Variants in CENPE observed in about 807,000 individuals in gnomAD.
The protein encoded by CENPE is centromere-associated protein E.
A neutral mutation model predicts 336.1 loss-of-function variants in CENPE; 145 were observed. The ratio of observed to expected loss-of-function variants is 0.43; its 90% CI spans 0.38 to 0.50. The LOEUF is 0.50. Ranked by LOEUF, CENPE falls within the 20% of genes least tolerant of loss-of-function variation. The pLI, the probability that CENPE is intolerant of heterozygous loss-of-function variation, is 0.00. For missense variants in CENPE, 2,719 were observed against 3,023.3 expected, an observed-to-expected ratio of 0.90 and a Z score of 2.36; for synonymous variants, 1,013 against 984.8, an observed-to-expected ratio of 1.03 and a Z score of -0.54.
rs779111765 is a variant in CENPE at position 103,114,455 on chromosome 4, C to G, written c.7540G>C (p.Val2514Leu). 1 of 1,569,854 alleles carries G rather than the reference C, an allele frequency of 6.4e-7. No individual in the cohort carries two copies. Residue 2514 changes from valine to leucine, a missense_variant and splice_region_variant, in exon 46 of 49, where the codon GTG becomes CTG. Val to Leu is a conservative substitution (Grantham distance 32). This residue lies in a region of CENPE where 2,437 missense variants were observed against 2,513.3 expected (regional missense o/e 0.97). Coordinates refer to ENST00000265148, the MANE Select transcript of CENPE (RefSeq NM_001813.3). ...GAAAATATCTGCATTTTCTACTTACCTGAGGTATCTTGGGCCTGTTGACTT... is the reference window on the plus strand; with the variant it reads ...GAAAATATCTGCATTTTCTACTTACGTGAGGTATCTTGGGCCTGTTGACTT... ...RRSQQAQDTS[V>L]ISEHTDPQPS...
chr4:103,113,566 AAT>A (rs1188527444), intron 46 of CENPE, among the ~76,000 whole-genome samples: 1 of 142,404 alleles, frequency 7.0e-6, no homozygotes, highest in African/African-American at 2.6e-5. Flanking sequence ...ATATATAAGT[AAT>A]ATATATTTTA....
Position 103,151,135 on chromosome 4 carries a change from G to T in CENPE, c.3396+84C>A, listed in dbSNP as rs1407633252. 7.7e-5 allele frequency: 98 copies of T among 1,274,040 alleles called. No individual in the cohort carries two copies. In the East Asian group the frequency reaches 2.3e-3, roughly 30 times the overall value. The allele number at this position is 1,274,040 out of a possible 1,614,324, so 78.9% of individuals were successfully genotyped here. On this transcript the variant is annotated intron_variant, in intron 26 of 48. Coordinates refer to ENST00000265148, the MANE Select transcript of CENPE (RefSeq NM_001813.3). ...CATTTGGGAGGTATGTGCTATTTCT[G>T]GATTTAGGTCTACAGAAATAAAAAT...
chr4:103,111,722 GA>G lies in CENPE; in HGVS notation c.7541-712del, dbSNP rs527609988. Among the ~76,000 whole-genome samples the G allele has an allele frequency of 1.4e-4, 22 of 152,010 alleles. No individual in the cohort carries two copies. The East Asian group carries it at 3.5e-3, about 24-fold the overall frequency. On this transcript the variant is annotated intron_variant, in intron 46 of 48. Coordinates refer to ENST00000265148, the MANE Select transcript of CENPE (RefSeq NM_001813.3). ...CAAGAATAAATATCCTCAACCTTCT[GA>G]AACAAAGAATCCTCACTTCTATTTT...
At chr4:103,143,193 C>A (rs1752715368) in intron 34 of CENPE, 55 bp downstream of exon 34, 2 of 1,283,154 alleles carry the variant, frequency 1.6e-6, no homozygotes, top group Admixed American at 2.4e-5. Flanking sequence ...TGTTTCATTA[C>A]ACAAAAAGTT....
At chr4:103,144,161 C>T (rs1444452440) in intron 33 of CENPE, among the ~76,000 whole-genome samples, 170 bp downstream of exon 33, 1 of 152,148 alleles carries the variant, frequency 6.6e-6, no homozygotes, top group Admixed American at 6.5e-5. Flanking sequence ...TGGTCTTGAT[C>T]TCCTGACCTC....
At chr4:103,198,237 C>A (rs1251125792) in intron 1 of CENPE, 27 bp downstream of exon 1, 9 of 1,547,990 alleles carry the variant, frequency 5.8e-6, no homozygotes, top group South Asian at 2.4e-5. Flanking sequence ...GCCCAGCGGG[C>A]ACCGGGCCGT....
At position 103,109,105 on chromosome 4, in the gene CENPE, A is replaced by G; in HGVS notation, c.7725-16T>C. The G allele has an allele frequency of 6.3e-7, 1 of 1,588,972 alleles. No individual in the cohort carries two copies. The highest frequency in any genetic ancestry group is 1.4e-5 in the African/African-American group (1 of 73,628). On this transcript the variant is annotated splice_polypyrimidine_tract_variant and intron_variant, in intron 47 of 48. Transcript: ENST00000265148. The stretch of plus-strand genomic sequence containing the variant: ...CTGATTATTGCTTAAATGTGGGGGA[A>G]GAAAAGAGAGACTGTAAGACTTCTT...
intron 43 of CENPE, among the ~76,000 whole-genome samples, chr4:103,121,965 T>A (rs1289105223): frequency 6.6e-6 from 1 of 152,236 alleles, no homozygotes; most frequent in South Asian, 2.1e-4. Flanking sequence ...TCTGTTCCAC[T>A]GCTCTACTTG....
intron 43 of CENPE, among the ~76,000 whole-genome samples, chr4:103,121,906 C>T (rs1750658041): frequency 6.6e-6 from 1 of 152,010 alleles, no homozygotes; most frequent in Admixed American, 6.6e-5. Flanking sequence ...TTATCATACA[C>T]CTGTACTAAA....
At chr4:103,182,129 T>C (rs529775778) in intron 11 of CENPE, among the ~76,000 whole-genome samples, 1 of 152,196 alleles carries the variant, frequency 6.6e-6, no homozygotes, top group South Asian at 2.1e-4. Flanking sequence ...TTCGCTCTTG[T>C]TGCCTAGGCT....
chr4:103,106,760 T>C (rs995547083), intron 48 of CENPE, among the ~76,000 whole-genome samples: 1 of 152,160 alleles, frequency 6.6e-6, no homozygotes, highest in Non-Finnish European at 1.5e-5. Flanking sequence ...ATATTTATTT[T>C]ACAATTATTA....
intron 12 of CENPE, among the ~76,000 whole-genome samples, chr4:103,181,030 TA>T (rs1356682489): frequency 1.3e-5 from 2 of 152,314 alleles, no homozygotes; most frequent in African/African-American, 4.8e-5. Flanking sequence ...TTTCTCTTTT[TA>T]ATCGAATTCA....
chr4:103,137,301 ATAGACTC>A (rs1424910310), intron 39 of CENPE, among the ~76,000 whole-genome samples: 2 of 152,176 alleles, frequency 1.3e-5, no homozygotes, highest in African/African-American at 4.8e-5. Context: ...ATCTGGACCC[ATAGACTC>A]AAGTGACTTG....
chr4:103,143,986 G>C (rs1408004837), intron 33 of CENPE, among the ~76,000 whole-genome samples: 7 of 151,758 alleles, frequency 4.6e-5, no homozygotes. Context: ...GCCCAGGCTG[G>C]AGTGCAGTGG....
chr4:103,185,486 TACC>T (rs1173162260), intron 9 of CENPE, among the ~76,000 whole-genome samples: 1 of 152,066 alleles, frequency 6.6e-6, no homozygotes, highest in Non-Finnish European at 1.5e-5. Context: ...ATTAATTTTG[TACC>T]ACATTATCTT....
intron 44 of CENPE, among the ~76,000 whole-genome samples, chr4:103,118,992 C>T (rs1750377783): frequency 1.3e-5 from 2 of 152,128 alleles, no homozygotes; most frequent in South Asian, 4.1e-4. Flanking sequence ...TCCCTGGCTA[C>T]ACAGTTCACC....
intron 41 of CENPE, 89 bp downstream of exon 41, chr4:103,133,606 T>C: frequency 1.2e-6 from 1 of 868,518 alleles, no homozygotes; most frequent in South Asian, 1.6e-5. Context: ...TTCTGGTAAA[T>C]GAAAATAGCT....
chr4:103,135,894 A>G (rs1188150003), intron 40 of CENPE, among the ~76,000 whole-genome samples: 3 of 152,174 alleles, frequency 2.0e-5, no homozygotes, highest in Admixed American at 2.0e-4. Context: ...GTCTCACCCC[A>G]GACTATGAGA....
intron 25 of CENPE, among the ~76,000 whole-genome samples, chr4:103,151,689 G>A (rs1157801083): frequency 6.6e-6 from 1 of 152,096 alleles, no homozygotes; most frequent in Non-Finnish European, 1.5e-5. Flanking sequence ...AGCTATCACT[G>A]AGTAATAATG....
Sources: gnomAD v4.1 joint callset for allele counts (sites outside exome capture counted in the v4.1 genomes callset) on GRCh38, gnomAD v4.1.1 for gene constraint, gnomAD v4.1.1 regional missense constraint, MANE v1.5 for transcripts, NCBI Gene and HGNC (gene_info 2026-07-23, HGNC 2026-07-21) for gene names.